LAMA5: variants seen among roughly 807,000 people sequenced by gnomAD.
The protein encoded by LAMA5 is laminin subunit alpha-5.
A neutral mutation model predicts 433.4 loss-of-function variants in LAMA5; 260 were observed. The observed-to-expected ratio is 0.60, with a 90% CI of 0.54 to 0.66. LAMA5 has a LOEUF of 0.66. Ranked by LOEUF, LAMA5 falls within the 30% of genes least tolerant of loss-of-function variation. The pLI, the probability that LAMA5 is intolerant of heterozygous loss-of-function variation, is 0.00. For synonymous variants in LAMA5, 2,620 were observed against 2,226.6 expected, an observed-to-expected ratio of 1.18 and a Z score of -4.97; for missense variants, 5,378 against 5,258.5, an observed-to-expected ratio of 1.02 and a Z score of -0.70.
intron 74 of LAMA5, 32 bp downstream of exon 74, chr20:62,310,870 T>C (rs773900537): frequency 3.1e-6 from 5 of 1,604,536 alleles, no homozygotes; most frequent in Non-Finnish European, 4.3e-6. Flanking sequence ...TGCCAGGCCC[T>C]GCCCACCACC....
At chr20:62,325,247 G>C in intron 41 of LAMA5, 69 bp downstream of exon 41, 1 of 1,014,972 alleles carries the variant, frequency 9.9e-7, no homozygotes, top group African/African-American at 1.6e-5. Context: ...AGGGAACACA[G>C]GGAGGATGCT....
chr20:62,330,949 TGAGAG>T lies in LAMA5; in HGVS notation c.3651-10_3651-6del. ...CGCGAGGGCAGACAGGCGGCACTGGTGAGAGCACAGTGGGTGAGTCAGAGCCGGCC... is the reference window on the plus strand; with the variant it reads ...CGCGAGGGCAGACAGGCGGCACTGGTCACAGTGGGTGAGTCAGAGCCGGCC... On this transcript the variant is annotated splice_region_variant and splice_polypyrimidine_tract_variant and intron_variant, in intron 29 of 79. Transcript: ENST00000252999. 6.4e-7 allele frequency: 1 copy of T among 1,553,612 alleles called. No homozygotes were observed. The highest frequency in any genetic ancestry group is 8.7e-7 in the Non-Finnish European group (1 of 1,148,964).
intron 6 of LAMA5, 85 bp downstream of exon 6, chr20:62,351,619 C>T: frequency 7.3e-7 from 1 of 1,365,560 alleles, no homozygotes. Flanking sequence ...GTCACCCACC[C>T]TCAGGTTAGG....
At position 62,334,230 on chromosome 20, in the gene LAMA5, C is replaced by G. The variant is rs749887068; in HGVS notation, c.2695G>C (p.Glu899Gln). ...VRFGFNPLEF[E>Q]NFSWRGYAQM... The stretch of plus-strand genomic sequence containing the variant: ...GCGTAGCCCCTCCAGCTGAAGTTCT[C>G]GAACTCGAGGGGGTTGAAGCCAAAG... Residue 899 changes from glutamate to glutamine, a missense_variant, in exon 22 of 80, where the codon GAG becomes CAG. Coordinates refer to ENST00000252999, the MANE Select transcript of LAMA5 (RefSeq NM_005560.6). 2 of 1,612,906 alleles carry G rather than the reference C, an allele frequency of 1.2e-6. No homozygotes were observed. Among genetic ancestry groups the G allele is most frequent in the Non-Finnish European group, 1.7e-6 (2 of 1,179,888 alleles).
intron 47 of LAMA5, 26 bp from the exon 48 acceptor site, chr20:62,322,194 T>C (rs750787137): frequency 1.9e-6 from 3 of 1,576,618 alleles, no homozygotes; most frequent in East Asian, 2.3e-5. Flanking sequence ...TGGGTGAGCA[T>C]GGCTGGCCTG....
In LAMA5 at chr20:62,330,606, C is replaced by A; in HGVS notation, c.3861G>T (p.Val1287=). The A allele has an allele frequency of 6.3e-7, 1 of 1,591,928 alleles. No homozygotes were observed. Among genetic ancestry groups the A allele is most frequent in the East Asian group, 2.3e-5 (1 of 44,134 alleles). The change falls in exon 31 of 80, where the codon GTG becomes GTT. Residue 1287 remains valine (V), a synonymous_variant. Transcript: ENST00000252999. The part of the protein sequence containing the change: ...PTLLREPQAT[V]VFTTHVPTLG... ...GCGTGGGCACATGGGTGGTGAAGAC[C>A]ACGGTGGCCTGCAGGGATAGGCCCT...
intron 55 of LAMA5, 150 bp from the exon 56 acceptor site, chr20:62,317,173 G>A: frequency 1.7e-6 from 2 of 1,182,628 alleles, no homozygotes; most frequent in South Asian, 3.2e-5. Flanking sequence ...CCTGCTGGGT[G>A]TACTGCTCCT....
chr20:62,321,721 T>TGGGGCCAGCAGA (rs1309404900), intron 48 of LAMA5, among the ~76,000 whole-genome samples: 3 of 17,016 alleles, frequency 1.8e-4, no homozygotes, highest in Non-Finnish European at 3.3e-4. Flanking sequence ...AGCAGAGGGG[T>TGGGGCCAGCAGA]GGGGTCAGTG....
intron 50 of LAMA5, 145 bp from the exon 51 acceptor site, chr20:62,319,940 A>G: frequency 1.8e-6 from 1 of 551,378 alleles, no homozygotes; most frequent in Non-Finnish European, 3.3e-6. Context: ...ATGACTTGTT[A>G]TTTATCACTT....
chr20:62,354,038 C>A (rs907400462), intron 2 of LAMA5, among the ~76,000 whole-genome samples: 1 of 152,130 alleles, frequency 6.6e-6, no homozygotes, highest in East Asian at 1.9e-4. Flanking sequence ...CCTTCCCAGG[C>A]CTCCGAAACC....
intron 46 of LAMA5, 63 bp downstream of exon 46, chr20:62,322,595 C>A: frequency 6.9e-7 from 1 of 1,445,448 alleles, no homozygotes; most frequent in Non-Finnish European, 9.4e-7. Flanking sequence ...TCAGATTCTC[C>A]CCAGGCCCCA....
rs770543150 is a variant in LAMA5, at chr20:62,333,168, G to T, written c.3204C>A (p.Asp1068Glu). The change falls in exon 26 of 80, where the codon GAC (aspartate) becomes GAA (glutamate). Residue 1068 changes from aspartate (D) to glutamate (E), a missense_variant. Asp to Glu is a conservative substitution (Grantham distance 45). Coordinates refer to ENST00000252999, the MANE Select transcript of LAMA5 (RefSeq NM_005560.6). ...TGGGGCAGGGCCGGGGCAGGCTGTTGTCCTGGCGACACAGGGCCTCCAGCC... is the reference window on the plus strand; with the variant it reads ...TGGGGCAGGGCCGGGGCAGGCTGTTTTCCTGGCGACACAGGGCCTCCAGCC... ...AAGLEALCRQ[D>E]NSLPRPCPTE... 1 of 1,518,852 alleles carries T rather than the reference G, an allele frequency of 6.6e-7. No individual in the cohort carries two copies. The highest frequency in any genetic ancestry group is 8.8e-7 in the Non-Finnish European group (1 of 1,134,886). 94.1% of individuals were successfully genotyped at this position (1,518,852 alleles called of 1,614,324 possible).
chr20:62,336,704 T>C (rs778224106), intron 17 of LAMA5, 30 bp downstream of exon 17: 4 of 1,610,380 alleles, frequency 2.5e-6, no homozygotes, highest in Admixed American at 1.7e-5. Flanking sequence ...TCCTCACCCA[T>C]CTCCCACACA....
chr20:62,323,919 C>A, intron 43 of LAMA5, 63 bp from the exon 44 acceptor site: 2 of 1,500,652 alleles, frequency 1.3e-6, no homozygotes, highest in Non-Finnish European at 1.8e-6. Flanking sequence ...GGCGAGCACA[C>A]TGTGCTCCGG....
At chr20:62,345,933 C>T (rs989852364) in intron 10 of LAMA5, 56 bp from the exon 11 acceptor site, 6 of 1,550,682 alleles carry the variant, frequency 3.9e-6, no homozygotes, top group African/African-American at 2.7e-5. Context: ...TAGCACCCTA[C>T]ACCCCCTGCC....
At chr20:62,315,493 T>A (rs1986842065) in intron 58 of LAMA5, among the ~76,000 whole-genome samples, 1 of 151,992 alleles carries the variant, frequency 6.6e-6, no homozygotes, top group South Asian at 2.1e-4. Context: ...TCTCCTGGGC[T>A]TGCTGGGAAC....
In LAMA5 at chr20:62,333,604, C is replaced by A; in HGVS notation, c.2981G>T (p.Gly994Val). 1 of 1,574,154 alleles carries A rather than the reference C, an allele frequency of 6.4e-7. No homozygotes were observed. ...GGCCTCCACACGCAGGGCCCAGGTG[C>A]CAGGGTTCAGCACAAAGGGCTCTCC... is the stretch of plus-strand genomic sequence containing the variant. ...GFGEPFVLNP[G>V]TWALRVEAEG... The change falls in exon 24 of 80, where the codon GGC becomes GTC. Residue 994 changes from glycine to valine, a missense_variant. Transcript: ENST00000252999.
At chr20:62,316,450 A>G in intron 57 of LAMA5, 1 of 520,758 alleles carries the variant, frequency 1.9e-6, no homozygotes, top group Non-Finnish European at 3.4e-6. Context: ...CCTCAGTGGC[A>G]GCCAGTGCCT....
At chr20:62,321,378 G>T (rs1407614653) in intron 48 of LAMA5, among the ~76,000 whole-genome samples, 1 of 30,344 alleles carries the variant, frequency 3.3e-5, no homozygotes. Flanking sequence ...GGGGTCAGTG[G>T]AGGGGTGGGG....
Sources: gnomAD v4.1 joint callset for allele counts (sites outside exome capture counted in the v4.1 genomes callset) on GRCh38, gnomAD v4.1.1 for gene constraint, MANE v1.5 for transcripts, NCBI Gene and HGNC (gene_info 2026-07-23, HGNC 2026-07-21) for gene names.